The following MX2 variants were observed in gnomAD, a reference collection of about 807,000 sequenced individuals.
The protein encoded by MX2 is MX dynamin like GTPase 2.
A neutral mutation model predicts 74.0 loss-of-function variants in MX2; 51 were observed. That is an observed-to-expected ratio of 0.69 (90% CI 0.55 to 0.87). The LOEUF (loss-of-function observed/expected upper bound fraction) is 0.87, where lower values mean the gene tolerates loss of function less well. MX2 is among the 40% of genes least tolerant of loss of function. MX2 has a pLI of 0.00. For missense variants in MX2, 832 were observed against 908.7 expected (o/e 0.92, Z 1.09); for synonymous variants, 369 against 339.3 (o/e 1.09, Z -0.96).
Position 41,380,901 on chromosome 21 carries a change from G to T in MX2, c.577+750G>T, listed in dbSNP as rs936163801. Among the ~76,000 whole-genome samples, 2 of 152,158 alleles carry T rather than the reference G, an allele frequency of 1.3e-5. No individual in the cohort carries two copies. The highest frequency in any genetic ancestry group is 4.8e-5 in the African/African-American group (2 of 41,446). Reference sequence around the variant, plus strand: ...TATCCTGCCTGCACAGCCTGTCCTGGACTCAGCCAGGATAGATGGAAAAAC... The same window carrying T: ...TATCCTGCCTGCACAGCCTGTCCTGTACTCAGCCAGGATAGATGGAAAAAC... On this transcript the variant is annotated intron_variant, in intron 4 of 13. Transcript: ENST00000330714. This position sits in a 1 kb window ranked among gnomAD's most constrained non-coding sequence, Gnocchi z 4.3.
Position 41,406,862 on chromosome 21 carries a change from A to G in MX2, c.1769A>G (p.Lys590Arg), listed in dbSNP as rs2089893131. ...CQDQIYSVVL[K>R]KVREEIFNPL... is the part of the protein sequence containing the mutation. ...GATCAGATTTACAGTGTTGTTCTGA[A>G]GAAAGTCCGAGAAGAGATTTTTAAC... The change falls in exon 13 of 14, where the codon AAG becomes AGG. Residue 590 changes from lysine to arginine, a missense_variant. Lys to Arg is a conservative substitution (Grantham distance 26). Coordinates refer to ENST00000330714, the MANE Select transcript of MX2 (RefSeq NM_002463.2). 1 of 1,614,256 alleles carries G rather than the reference A, an allele frequency of 6.2e-7. No homozygotes were observed. Among genetic ancestry groups the G allele is most frequent in the Non-Finnish European group, 8.5e-7 (1 of 1,180,048 alleles).
chr21:41,399,933 G>A (rs1228343877), intron 10 of MX2, among the ~76,000 whole-genome samples: 2 of 152,188 alleles, frequency 1.3e-5, no homozygotes, highest in African/African-American at 4.8e-5. Context: ...GAGCAGCCCA[G>A]GGTACCTCAG....
At chr21:41,372,934 C>G (rs2089343837) in intron 1 of MX2, 1 of 152,182 alleles carries the variant, frequency 6.6e-6, no homozygotes, top group Non-Finnish European at 1.5e-5. Context: ...TCCTCCACAG[C>G]CTTTATTAAG....
intron 5 of MX2, chr21:41,389,959 A>C (rs2089634343): frequency 6.6e-6 from 1 of 152,258 alleles, no homozygotes; most frequent in Admixed American, 6.5e-5. Context: ...AAATTTTATT[A>C]GATTTCTCTT....
At position 41,376,878 on chromosome 21, in the gene MX2, A is replaced by G. The variant is rs751066271; in HGVS notation, c.-29A>G. 3 of 1,609,348 alleles carry G rather than the reference A, an allele frequency of 1.9e-6. No individual in the cohort carries two copies. The highest frequency in any genetic ancestry group is 1.7e-4 in the Middle Eastern group (1 of 5,916). ...GGAGGTGCCAAGTAGCAGAGAAAGC[A>G]TCCCCCAGCTCTGACAGGGAGACAG... On this transcript the variant is annotated 5_prime_UTR_variant, in exon 2 of 14. Coordinates refer to ENST00000330714, the MANE Select transcript of MX2 (RefSeq NM_002463.2).
chr21:41,403,465 G>C, intron 12 of MX2, 122 bp downstream of exon 12: 2 of 897,006 alleles, frequency 2.2e-6, no homozygotes, highest in Non-Finnish European at 3.7e-6. Flanking sequence ...GGCTGGCGAG[G>C]CTGGCAGGGC....
At chr21:41,407,549 G>A (rs1045406745) in intron 13 of MX2, among the ~76,000 whole-genome samples, 8 of 152,144 alleles carry the variant, frequency 5.3e-5, no homozygotes, top group Admixed American at 2.0e-4. Flanking sequence ...CCCACCTCCC[G>A]AAGCCCTTTC....
At chr21:41,364,428 T>C (rs2089244846) in intron 1 of MX2, 1 of 152,466 alleles carries the variant, frequency 6.6e-6, no homozygotes, top group Admixed American at 6.5e-5. Context: ...TGGTGGAAGA[T>C]GGACTAAGCA....
intron 5 of MX2, among the ~76,000 whole-genome samples, chr21:41,387,788 C>T (rs1372991287): frequency 6.6e-6 from 1 of 152,202 alleles, no homozygotes; most frequent in Non-Finnish European, 1.5e-5. Flanking sequence ...CTTTGAGCAT[C>T]TAATCGGTAC....
intron 5 of MX2, chr21:41,389,853 TTGTC>T (rs2089632714): frequency 6.6e-6 from 1 of 152,202 alleles, no homozygotes; most frequent in Admixed American, 6.5e-5. Context: ...AGCTTTTTCC[TTGTC>T]TGTTTGTGTT....
At chr21:41,401,356 G>A (rs142310072) in intron 10 of MX2, 1 of 152,286 alleles carries the variant, frequency 6.6e-6, no homozygotes, top group South Asian at 2.1e-4. Flanking sequence ...AACTGTGGCT[G>A]TATGCTTGGG....
intron 3 of MX2, 142 bp from the exon 4 acceptor site, chr21:41,379,875 C>T: frequency 9.5e-7 from 1 of 1,051,376 alleles, no homozygotes; most frequent in East Asian, 2.4e-5. Context: ...GTCCAGACCC[C>T]CTCACCTACT....
At chr21:41,385,962 C>T (rs1268659522) in intron 5 of MX2, among the ~76,000 whole-genome samples, 1 of 151,924 alleles carries the variant, frequency 6.6e-6, no homozygotes, top group African/African-American at 2.4e-5. Flanking sequence ...TAGGCTTGGT[C>T]AACTCAGAGC....
chr21:41,372,060 T>TCC (rs1185879932), intron 1 of MX2, among the ~76,000 whole-genome samples: 3 of 152,232 alleles, frequency 2.0e-5, no homozygotes, highest in Non-Finnish European at 2.9e-5. Flanking sequence ...AGTAAGTCTA[T>TCC]AATCTTTTGA....
intron 1 of MX2, 58 bp from the exon 2 acceptor site, chr21:41,376,778 C>A: frequency 7.0e-7 from 1 of 1,421,534 alleles, no homozygotes; most frequent in Non-Finnish European, 9.5e-7. Flanking sequence ...GCAAAAGTGC[C>A]AACTCAGGGA....
rs112881033 is a variant in MX2, at chr21:41,397,190, G to C, written c.1071-423G>C. Reference sequence around the variant, plus strand: ...ATGCAGCAAGCTGCTTAACCTTTCTGTGTCTCAGCCTTTCTTGCTCTAAAG... The same window carrying C: ...ATGCAGCAAGCTGCTTAACCTTTCTCTGTCTCAGCCTTTCTTGCTCTAAAG... On this transcript the variant is annotated intron_variant, in intron 7 of 13. Transcript: ENST00000330714. Among the ~76,000 whole-genome samples the C allele has an allele frequency of 3.1e-3, 477 of 152,348 alleles. 3 individuals carry two copies. Among genetic ancestry groups the C allele is most frequent in the African/African-American group, 0.01 (435 of 41,578 alleles).
intron 9 of MX2, 82 bp from the exon 10 acceptor site, chr21:41,399,114 C>A: frequency 1.9e-6 from 3 of 1,593,944 alleles, no homozygotes; most frequent in South Asian, 2.3e-5. Flanking sequence ...ATGAGGTGGG[C>A]GGGTGGACAT....
At chr21:41,374,430 G>C (rs1480565122) in intron 1 of MX2, among the ~76,000 whole-genome samples, 1 of 152,250 alleles carries the variant, frequency 6.6e-6, no homozygotes, top group Non-Finnish European at 1.5e-5. Context: ...CATGGCTTTG[G>C]GATCCCGGGC....
At chr21:41,381,956 C>T (rs923121217) in intron 4 of MX2, among the ~76,000 whole-genome samples, 7 of 152,182 alleles carry the variant, frequency 4.6e-5, no homozygotes, top group African/African-American at 1.7e-4. Context: ...AGGAGGAAGC[C>T]ATGATGCATT....
Sources: allele counts gnomAD v4.1 joint callset (sites outside exome capture counted in the v4.1 genomes callset), GRCh38; gene constraint gnomAD v4.1.1; non-coding constraint Gnocchi (gnomAD v3.1); transcripts MANE v1.5; gene names NCBI Gene and HGNC (gene_info 2026-07-23, HGNC 2026-07-21).